The following PLAAT3 variants were observed in gnomAD, a reference collection of about 807,000 sequenced individuals.
PLAAT3 encodes the protein phospholipase A and acyltransferase 3, also known as Ca-independent phospholipase A1/2.
In PLAAT3, 21 loss-of-function variants were observed where a neutral mutation model predicts 16.7. That is an observed-to-expected ratio of 1.26 (90% CI 0.89 to 1.81). The LOEUF (loss-of-function observed/expected upper bound fraction) is 1.81, where lower values mean the gene tolerates loss of function less well. PLAAT3 is among the 40% of genes most tolerant of loss of function. PLAAT3 has a pLI of 0.00. For missense variants in PLAAT3, 219 were observed against 213.7 expected (o/e 1.02, Z -0.16); for synonymous variants, 76 against 81.7 (o/e 0.93, Z 0.38).
At chr11:63,596,540 A>T (rs1938293026) in intron 3 of PLAAT3, among the ~76,000 whole-genome samples, 1 of 151,874 alleles carries the variant, frequency 6.6e-6, no homozygotes, top group South Asian at 2.1e-4. Context: ...GATAATGCAG[A>T]ATCAGTAGGA....
At chr11:63,598,917 C>A (rs11231528) in intron 2 of PLAAT3, among the ~76,000 whole-genome samples, 38,437 of 151,990 alleles carry the variant, frequency 0.25, 6,199 homozygotes, top group East Asian at 0.59. Context: ...AGTGAGTGTG[C>A]GTATGTGAGA....
At chr11:63,615,198 A>ATATATATGTGTG (rs1938826350), upstream of PLAAT3, among the ~76,000 whole-genome samples, 1 of 98,506 alleles carries the variant, frequency 1.0e-5, no homozygotes, top group Non-Finnish European at 2.2e-5. Flanking sequence ...ATATGTGTGT[A>ATATATATGTGTG]TATATGTGTG....
chr11:63,615,262 A>ATG (rs1426362916), upstream of PLAAT3, among the ~76,000 whole-genome samples: 1 of 24,956 alleles, frequency 4.0e-5, no homozygotes, highest in African/African-American at 8.3e-5. Context: ...GTGTATATAT[A>ATG]TGTGTGTATA....
At chr11:63,603,383 A>G (rs949390444) in intron 2 of PLAAT3, among the ~76,000 whole-genome samples, 1 of 152,206 alleles carries the variant, frequency 6.6e-6, no homozygotes, top group African/African-American at 2.4e-5. Flanking sequence ...ACGGGATTTC[A>G]GAACAAAAAG....
intron 3 of PLAAT3, among the ~76,000 whole-genome samples, chr11:63,597,666 T>A (rs1938324275): frequency 6.6e-6 from 1 of 152,156 alleles, no homozygotes; most frequent in African/African-American, 2.4e-5. Flanking sequence ...GGGTTCATGC[T>A]CCTATGAGAA....
At position 63,600,884 on chromosome 11, in the gene PLAAT3, G is replaced by A. The variant is rs146209639; in HGVS notation, c.16-2721C>T. ...CTCCCAAAGTTCTGGGATTACAGGC[G>A]TGAGCCACCACGCCCGGCCTACTCT... On this transcript the variant is annotated intron_variant, in intron 2 of 4. Coordinates refer to ENST00000415826, the MANE Select transcript of PLAAT3 (RefSeq NM_001128203.2). Among the ~76,000 whole-genome samples, 33 of 152,070 alleles carry A rather than the reference G, an allele frequency of 2.2e-4. No homozygotes were observed. In the East Asian group the frequency reaches 2.3e-3, roughly 11 times the overall value.
intron 3 of PLAAT3, among the ~76,000 whole-genome samples, chr11:63,594,613 AAG>A (rs1938237355): frequency 6.6e-6 from 1 of 152,144 alleles, no homozygotes; most frequent in South Asian, 2.1e-4. Flanking sequence ...TCTCAAAAAA[AAG>A]AAAAAAAGAA....
At chr11:63,582,382 G>A (rs1937842798) in intron 4 of PLAAT3, among the ~76,000 whole-genome samples, 1 of 152,142 alleles carries the variant, frequency 6.6e-6, no homozygotes, top group Non-Finnish European at 1.5e-5. Context: ...GGGAAGAAGG[G>A]CCATCTCTGG....
chr11:63,600,937 T>C (rs1590695995), intron 2 of PLAAT3, among the ~76,000 whole-genome samples: 1 of 151,818 alleles, frequency 6.6e-6, no homozygotes, highest in African/African-American at 2.4e-5. Context: ...GCAACCATTC[T>C]GCAATTACAT....
At chr11:63,597,594 G>A (rs552362190) in intron 3 of PLAAT3, among the ~76,000 whole-genome samples, 22 of 152,320 alleles carry the variant, frequency 1.4e-4, no homozygotes, top group African/African-American at 3.1e-4. Context: ...TTATAGCAGT[G>A]TGAAAACAGA....
At chr11:63,598,819 C>A in intron 2 of PLAAT3, 1 of 457,634 alleles carries the variant, frequency 2.2e-6, no homozygotes, top group Non-Finnish European at 4.4e-6. Context: ...TGTCCCCCGG[C>A]TGCTCAGCCT....
At chr11:63,583,300 C>A (rs150064958) in intron 4 of PLAAT3, among the ~76,000 whole-genome samples, 24 of 152,260 alleles carry the variant, frequency 1.6e-4, no homozygotes, top group Admixed American at 7.2e-4. Flanking sequence ...AGGGAACCTG[C>A]ATAAAATCAC....
upstream of PLAAT3, chr11:63,616,204 T>C (rs999055069): frequency 7.9e-5 from 12 of 152,002 alleles, no homozygotes; most frequent in Admixed American, 4.6e-4. Flanking sequence ...ATTCCTCTAT[T>C]CCTCCTAACA....
chr11:63,601,632 G>A (rs928777985), intron 2 of PLAAT3, among the ~76,000 whole-genome samples: 14 of 152,086 alleles, frequency 9.2e-5, no homozygotes, highest in Non-Finnish European at 1.6e-4. Context: ...AAGACACTGC[G>A]AAGTGGAAAA....
Position 63,598,076 on chromosome 11 carries a change from G to A in PLAAT3, c.103C>T (p.His35Tyr). The A allele has an allele frequency of 1.2e-6, 2 of 1,611,984 alleles. No homozygotes were observed. Among genetic ancestry groups the A allele is most frequent in the Non-Finnish European group, 1.7e-6 (2 of 1,178,000 alleles). ...AIYVGDGYVV[H>Y]LAPPSEVAGA... The stretch of plus-strand genomic sequence containing the variant: ...GTGTTCTTACTTGGAGGGGCCAGAT[G>A]AACCACATATCCATCGCCAACATAG... The change falls in exon 3 of 5, where the codon CAT (histidine) becomes TAT (tyrosine). Residue 35 changes from histidine to tyrosine, a missense_variant. Transcript: ENST00000415826.
intron 2 of PLAAT3, among the ~76,000 whole-genome samples, chr11:63,604,166 C>T (rs891005353): frequency 6.6e-6 from 1 of 152,102 alleles, no homozygotes; most frequent in Non-Finnish European, 1.5e-5. Context: ...CTTTTTTATA[C>T]ATTTATACAG....
At chr11:63,589,509 CAA>C (rs1440693431) in intron 4 of PLAAT3, among the ~76,000 whole-genome samples, 1 of 149,804 alleles carries the variant, frequency 6.7e-6, no homozygotes, top group East Asian at 2.0e-4. Context: ...AGAGGAAAGA[CAA>C]AAATAAAATC....
chr11:63,608,400 T>A (rs1402847533), intron 2 of PLAAT3: 1 of 152,288 alleles, frequency 6.6e-6, no homozygotes, highest in African/African-American at 2.4e-5. Flanking sequence ...AACCAGCCTC[T>A]TCCTCACCCC....
At chr11:63,598,227 G>C in intron 2 of PLAAT3, 64 bp from the exon 3 acceptor site, 1 of 1,107,366 alleles carries the variant, frequency 9.0e-7, no homozygotes, top group Non-Finnish European at 1.4e-6. Flanking sequence ...ACAGGGCTCA[G>C]TGAGGAAGGT....
Sources: gnomAD v4.1 joint callset for allele counts (sites outside exome capture counted in the v4.1 genomes callset) on GRCh38, gnomAD v4.1.1 for gene constraint, MANE v1.5 for transcripts, NCBI Gene and HGNC (gene_info 2026-07-23, HGNC 2026-07-21) for gene names.